Variants in HMGB1 observed in about 807,000 individuals in gnomAD.
HMGB1 encodes the protein high mobility group protein B1.
For synonymous variants in HMGB1, 81 were observed against 84.0 expected (o/e 0.96, Z 0.19); for missense variants, 79 against 253.5 (o/e 0.31, Z 4.67).
intron 1 of HMGB1, among the ~76,000 whole-genome samples, chr13:30,551,627 C>T (rs745457630): frequency 2.0e-5 from 3 of 152,182 alleles, no homozygotes; most frequent in Non-Finnish European, 2.9e-5. Flanking sequence ...TAGCACAGAT[C>T]ACTCCCTTTT....
intron 1 of HMGB1, among the ~76,000 whole-genome samples, chr13:30,557,758 C>G (rs1347340553): frequency 6.6e-6 from 1 of 152,184 alleles, no homozygotes; most frequent in Non-Finnish European, 1.5e-5. Context: ...AACCTTGCCT[C>G]TTTTTAGTCT....
In HMGB1 at chr13:30,588,788, G is replaced by A. The variant is rs141838411; in HGVS notation, c.-15+27883C>T. ...AGAAATTAGCCGTGAATGATGGCTC[G>A]TGCCTGTAGTCCCAGCTATTTGGGA... is the stretch of plus-strand genomic sequence containing the variant. On this transcript the variant is annotated intron_variant, in intron 1 of 4. Transcript: ENST00000405805. Among the ~76,000 whole-genome samples the A allele has an allele frequency of 3.5e-3, 533 of 151,808 alleles. 1 individual carries two copies. The highest frequency in any genetic ancestry group is 0.011 in the African/African-American group (457 of 41,426).
At chr13:30,491,139 C>T (rs1023212058) in intron 1 of HMGB1, among the ~76,000 whole-genome samples, 2 of 152,100 alleles carry the variant, frequency 1.3e-5, no homozygotes, top group African/African-American at 4.8e-5. Flanking sequence ...AGCGATTCTC[C>T]TGCCTCAGCC....
intron 1 of HMGB1, among the ~76,000 whole-genome samples, chr13:30,517,769 C>A (rs1888132885): frequency 6.6e-6 from 1 of 152,164 alleles, no homozygotes; most frequent in Admixed American, 6.6e-5. Flanking sequence ...CATCTCAAAT[C>A]CTCTGTAGTT....
rs145241565 is a variant in HMGB1 at position 30,532,398 on chromosome 13, C to T, written c.-14-68704G>A. The stretch of plus-strand genomic sequence containing the variant: ...TTGTTTTTTTTCCACTAAGCAGTGA[C>T]GCAGATATCTTTCCATATAAGTAGA... On this transcript the variant is annotated intron_variant, in intron 1 of 4. Transcript: ENST00000405805. Among the ~76,000 whole-genome samples the T allele has an allele frequency of 2.8e-3, 422 of 151,198 alleles. 1 individual carries two copies. Among genetic ancestry groups the T allele is most frequent in the African/African-American group, 8.0e-3 (331 of 41,142 alleles).
chr13:30,463,760 T>G, intron 1 of HMGB1, 66 bp from the exon 2 acceptor site: 1 of 1,059,528 alleles, frequency 9.4e-7, no homozygotes, highest in Non-Finnish European at 1.3e-6. Flanking sequence ...TTAAAGTACT[T>G]AGTAAGGGAA....
At chr13:30,480,046 GT>G (rs1307795238) in intron 1 of HMGB1, among the ~76,000 whole-genome samples, 4 of 152,096 alleles carry the variant, frequency 2.6e-5, no homozygotes, top group African/African-American at 9.7e-5. Flanking sequence ...TGGTCACACT[GT>G]TTCTCTGGCC....
intron 1 of HMGB1, among the ~76,000 whole-genome samples, chr13:30,490,579 A>G (rs1021891232): frequency 7.9e-5 from 12 of 151,032 alleles, no homozygotes; most frequent in Non-Finnish European, 1.3e-4. Context: ...ACATTTTGCC[A>G]CTGCACTCCA....
At chr13:30,505,170 CGTTGTT>C (rs559515089) in intron 1 of HMGB1, among the ~76,000 whole-genome samples, 2 of 148,578 alleles carry the variant, frequency 1.3e-5, no homozygotes, top group East Asian at 2.0e-4. Flanking sequence ...TTGTTGTTGT[CGTTGTT>C]GTTGTTGTTG....
intron 1 of HMGB1, among the ~76,000 whole-genome samples, chr13:30,478,868 TTTC>T (rs1051059080): frequency 1.5e-5 from 2 of 132,636 alleles, no homozygotes; most frequent in African/African-American, 5.1e-5. Context: ...TTTCTTTTCT[TTTC>T]TTTTTTTTTT....
At chr13:30,552,467 T>C (rs1052501678) in intron 1 of HMGB1, among the ~76,000 whole-genome samples, 13 of 152,188 alleles carry the variant, frequency 8.5e-5, no homozygotes, top group African/African-American at 3.1e-4. Context: ...CTTTCAAGAC[T>C]AAGCTCTAGG....
chr13:30,585,904 A>G (rs1046822994), intron 1 of HMGB1, among the ~76,000 whole-genome samples: 3 of 152,148 alleles, frequency 2.0e-5, no homozygotes, highest in East Asian at 1.9e-4. Flanking sequence ...CTTGACCACA[A>G]AACTTCTCAG....
At chr13:30,543,726 C>T (rs1206035106) in intron 1 of HMGB1, among the ~76,000 whole-genome samples, 1 of 152,042 alleles carries the variant, frequency 6.6e-6, no homozygotes, top group African/African-American at 2.4e-5. Flanking sequence ...GCCCTGAAGC[C>T]CCAACTGCAA....
rs929058410 is a variant in HMGB1 at position 30,460,893 on chromosome 13, A to G, written c.*464T>C. 3.0e-5 allele frequency: 21 copies of G among 698,332 alleles called. No individual in the cohort carries two copies. The Admixed American group carries it at 4.4e-4, about 15-fold the overall frequency. 43.3% of individuals were successfully genotyped at this position (698,332 alleles called of 1,614,324 possible). A position where few individuals can be genotyped will look rare whatever the true frequency, so the allele number is the denominator to read the frequency against. ...TCAGACCTATGAAAAGGACAACAAT[A>G]CTAATAAAAAAAATTGTATTTACTT... On this transcript the variant is annotated 3_prime_UTR_variant, in exon 5 of 5. Transcript: ENST00000341423.
At chr13:30,537,494 A>T (rs1214692617) in intron 1 of HMGB1, among the ~76,000 whole-genome samples, 1 of 151,644 alleles carries the variant, frequency 6.6e-6, no homozygotes, top group African/African-American at 2.4e-5. Flanking sequence ...CATAGATCAG[A>T]TTGCCTGTTT....
At chr13:30,606,735 T>A (rs1950462261) in intron 1 of HMGB1, among the ~76,000 whole-genome samples, 1 of 152,230 alleles carries the variant, frequency 6.6e-6, no homozygotes, top group Non-Finnish European at 1.5e-5. Context: ...TGGTCACTCA[T>A]CTGTAAGTAC....
chr13:30,509,699 C>T (rs976350693), intron 1 of HMGB1, among the ~76,000 whole-genome samples: 1 of 152,128 alleles, frequency 6.6e-6, no homozygotes. Flanking sequence ...ATGGGCGAGA[C>T]AAGATGCAGA....
chr13:30,513,664 C>T (rs759687961), intron 1 of HMGB1, among the ~76,000 whole-genome samples: 7 of 152,188 alleles, frequency 4.6e-5, no homozygotes, highest in Non-Finnish European at 8.8e-5. Context: ...ACAGATAACT[C>T]AACTTTAATT....
chr13:30,544,105 C>CA (rs1869036277), intron 1 of HMGB1, among the ~76,000 whole-genome samples: 1 of 152,200 alleles, frequency 6.6e-6, no homozygotes, highest in South Asian at 2.1e-4. Context: ...GCCATGTGGG[C>CA]AGGTTACCCA....
Sources: allele counts gnomAD v4.1 joint callset (sites outside exome capture counted in the v4.1 genomes callset), GRCh38; gene constraint gnomAD v4.1.1; transcripts MANE v1.5; gene names NCBI Gene and HGNC (gene_info 2026-07-23, HGNC 2026-07-21).